MACROD1: variants seen among roughly 807,000 people sequenced by gnomAD.
MACROD1 encodes mono-ADP ribosylhydrolase 1.
In MACROD1, 31 loss-of-function variants were observed where a neutral mutation model predicts 41.4. The ratio of observed to expected loss-of-function variants is 0.75; its 90% CI spans 0.56 to 1.01. The LOEUF (loss-of-function observed/expected upper bound fraction) is 1.01. MACROD1 is among the 50% of genes least tolerant of loss of function. The pLI, the probability that MACROD1 is intolerant of heterozygous loss-of-function variation, is 0.00. For synonymous variants in MACROD1, 252 were observed against 203.4 expected (o/e 1.24, Z -2.03); for missense variants, 473 against 460.0 (o/e 1.03, Z -0.26).
Position 63,998,828 on chromosome 11 carries a change from C to A in MACROD1, c.*30+10G>T. 1 of 1,559,012 alleles carries A rather than the reference C, an allele frequency of 6.4e-7. No homozygotes were observed. Among genetic ancestry groups the A allele is most frequent in the Non-Finnish European group, 8.6e-7 (1 of 1,156,638 alleles). ...GCCGGGGCCGCCGCACGGGGCGAGG[C>A]CCTGCTTACCAGTCCCGGTCAGGGT... On this transcript the variant is annotated intron_variant, in intron 10 of 10. Coordinates refer to ENST00000255681, the MANE Select transcript of MACROD1 (RefSeq NM_014067.4).
chr11:64,165,781 T>C lies in MACROD1; in HGVS notation c.214A>G (p.Thr72Ala). The change falls in exon 1 of 11, where the codon ACA becomes GCA. Residue 72 changes from threonine (T) to alanine (A), a missense_variant. Transcript: ENST00000255681. Reference sequence around the variant, plus strand: ...GGGGCCCAAGTGCGCACCCCGGCTGTCCGCCCCACCGCCGCCGCCCCCCAC... The same window carrying C: ...GGGGCCCAAGTGCGCACCCCGGCTGCCCGCCCCACCGCCGCCGCCCCCCAC... The part of the protein sequence containing the change: ...GAWGAAAVGR[T>A]AGVRTWAPLA... The C allele has an allele frequency of 6.7e-7, 1 of 1,494,638 alleles. No individual in the cohort carries two copies. The highest frequency in any genetic ancestry group is 8.9e-7 in the Non-Finnish European group (1 of 1,127,400). 92.6% of individuals were successfully genotyped at this position (1,494,638 alleles called of 1,614,324 possible).
intron 3 of MACROD1, among the ~76,000 whole-genome samples, chr11:64,101,018 A>G (rs1432054451): frequency 6.6e-6 from 1 of 152,172 alleles, no homozygotes; most frequent in Non-Finnish European, 1.5e-5. Flanking sequence ...GCACTGAGCC[A>G]GGTGCTGGGG....
Position 64,096,725 on chromosome 11 carries a change from C to G in MACROD1, c.517+54514G>C, listed in dbSNP as rs921664497. On this transcript the variant is annotated intron_variant, in intron 3 of 10. Transcript: ENST00000255681. The surrounding 1 kb of genome is among the most constrained non-coding windows in gnomAD (Gnocchi z 4.6). ...AGCCACCGCACCCTACCCTCTCCCCCTTTTGTGCCTAGAGTTGCTCTGTGA... is the reference window on the plus strand; with the variant it reads ...AGCCACCGCACCCTACCCTCTCCCCGTTTTGTGCCTAGAGTTGCTCTGTGA... 1.3e-5 allele frequency among the ~76,000 whole-genome samples: 2 copies of G among 152,216 alleles called. No homozygotes were observed. Among genetic ancestry groups the G allele is most frequent in the Admixed American group, 6.5e-5 (1 of 15,276 alleles).
At chr11:64,009,395 C>T (rs1011861134) in intron 4 of MACROD1, among the ~76,000 whole-genome samples, 1 of 152,142 alleles carries the variant, frequency 6.6e-6, no homozygotes, top group Non-Finnish European at 1.5e-5. Flanking sequence ...GGCCTTCCCC[C>T]TGGGGGGCCC....
At chr11:64,056,868 T>C (rs1016399380) in intron 3 of MACROD1, among the ~76,000 whole-genome samples, 3 of 152,060 alleles carry the variant, frequency 2.0e-5, no homozygotes, top group Non-Finnish European at 4.4e-5. Flanking sequence ...TCATCTACAC[T>C]CCCTAGACCC....
At position 64,036,451 on chromosome 11, in the gene MACROD1, G is replaced by T. The variant is rs1490700767; in HGVS notation, c.518-21170C>A. Among the ~76,000 whole-genome samples the T allele has an allele frequency of 6.6e-6, 1 of 152,160 alleles. No homozygotes were observed. On this transcript the variant is annotated intron_variant, in intron 3 of 10. Coordinates refer to ENST00000255681, the MANE Select transcript of MACROD1 (RefSeq NM_014067.4). The surrounding 1 kb of genome is among the most constrained non-coding windows in gnomAD (Gnocchi z 5.6). ...CCGAGCCGAGGCTGGAAAGGGCGGG[G>T]GCTCAGCTGGAGCTCTAGTCCAAGC...
chr11:64,064,285 G>A lies in MACROD1; in HGVS notation c.518-49004C>T, dbSNP rs1332433145. Reference sequence around the variant, plus strand: ...AACCAAGCCACACCGTAGTCTCCACGTGCAGCCCTGTTCAGGCGGCGGGTA... The same window carrying A: ...AACCAAGCCACACCGTAGTCTCCACATGCAGCCCTGTTCAGGCGGCGGGTA... On this transcript the variant is annotated intron_variant, in intron 3 of 10. Transcript: ENST00000255681. The surrounding 1 kb of genome is among the most constrained non-coding windows in gnomAD (Gnocchi z 4.5). 1.3e-5 allele frequency among the ~76,000 whole-genome samples: 2 copies of A among 152,234 alleles called. No individual in the cohort carries two copies. Among genetic ancestry groups the A allele is most frequent in the South Asian group, 2.1e-4 (1 of 4,834 alleles).
chr11:64,065,158 C>G (rs556035863), intron 3 of MACROD1, among the ~76,000 whole-genome samples: 9 of 152,296 alleles, frequency 5.9e-5, no homozygotes, highest in Non-Finnish European at 1.5e-5. Flanking sequence ...GTAGAAGTGG[C>G]CCAGGGAACG....
rs574325514 is a variant in MACROD1, at chr11:64,120,975, G to A, written c.517+30264C>T. On this transcript the variant is annotated intron_variant, in intron 3 of 10. Coordinates refer to ENST00000255681, the MANE Select transcript of MACROD1 (RefSeq NM_014067.4). This position sits in a 1 kb window ranked among gnomAD's most constrained non-coding sequence, Gnocchi z 4.5. ...TGTCTCCTCTCCCCACCCTAGACAG[G>A]TCAGGTCATGCCCTTAGTGGCTAGG... 2.0e-5 allele frequency among the ~76,000 whole-genome samples: 3 copies of A among 152,260 alleles called. No homozygotes were observed. The South Asian group carries it at 6.2e-4, about 32-fold the overall frequency.
At chr11:64,126,430 G>A (rs1565249222) in intron 3 of MACROD1, among the ~76,000 whole-genome samples, 2 of 152,184 alleles carry the variant, frequency 1.3e-5, no homozygotes, top group South Asian at 2.1e-4. Flanking sequence ...TCTGCTGGCT[G>A]GAGCCAGGAG....
chr11:64,095,343 C>T (rs1312599799), intron 3 of MACROD1, among the ~76,000 whole-genome samples: 2 of 152,192 alleles, frequency 1.3e-5, no homozygotes, highest in Non-Finnish European at 2.9e-5. Flanking sequence ...CTGAGCCACT[C>T]GCTGTAAATA....
chr11:64,156,968 C>T (rs892673717), intron 1 of MACROD1, among the ~76,000 whole-genome samples: 23 of 152,366 alleles, frequency 1.5e-4, no homozygotes, highest in African/African-American at 5.3e-4. Flanking sequence ...AGGCCAACTG[C>T]GCCCATTCAG....
chr11:64,142,087 C>G (rs772105183), intron 3 of MACROD1, among the ~76,000 whole-genome samples: 4 of 152,200 alleles, frequency 2.6e-5, no homozygotes, highest in Non-Finnish European at 5.9e-5. Flanking sequence ...CCATCCTAAT[C>G]TGTAAAATGG....
At chr11:64,149,889 CTG>C (rs1404326857) in intron 3 of MACROD1, among the ~76,000 whole-genome samples, 1 of 152,236 alleles carries the variant, frequency 6.6e-6, no homozygotes, top group Non-Finnish European at 1.5e-5. Context: ...TTTGTCTTAG[CTG>C]TGTGTCCTCA....
intron 3 of MACROD1, among the ~76,000 whole-genome samples, chr11:64,139,784 G>C (rs1312751377): frequency 1.3e-5 from 2 of 151,948 alleles, no homozygotes; most frequent in African/African-American, 2.4e-5. Flanking sequence ...GTGAAACCCC[G>C]TATCTACTAA....
At chr11:64,001,713 C>T (rs1942828819) in intron 4 of MACROD1, 5 of 702,214 alleles carry the variant, frequency 7.1e-6, no homozygotes, top group Non-Finnish European at 1.3e-5. Flanking sequence ...CTCTCCTCTG[C>T]AGGGAGAAAG....
At chr11:64,140,894 G>A (rs1325616297) in intron 3 of MACROD1, among the ~76,000 whole-genome samples, 1 of 152,224 alleles carries the variant, frequency 6.6e-6, no homozygotes, top group Non-Finnish European at 1.5e-5. Flanking sequence ...TAGCACTTTG[G>A]GAGGCCTAGG....
chr11:64,126,888 CCTTT>C (rs1394763924), intron 3 of MACROD1: 1 of 152,262 alleles, frequency 6.6e-6, no homozygotes, highest in African/African-American at 2.4e-5. Context: ...AGCACTATCT[CCTTT>C]CTTTTTCTTG....
chr11:64,023,335 G>A (rs187382038), intron 3 of MACROD1, among the ~76,000 whole-genome samples: 16 of 152,240 alleles, frequency 1.1e-4, no homozygotes, highest in African/African-American at 3.4e-4. Flanking sequence ...CTGTGATCTC[G>A]GGTCAGCTGC....
Sources: allele counts gnomAD v4.1 joint callset (sites outside exome capture counted in the v4.1 genomes callset), GRCh38; gene constraint gnomAD v4.1.1; non-coding constraint Gnocchi (gnomAD v3.1); transcripts MANE v1.5; gene names NCBI Gene and HGNC (gene_info 2026-07-23, HGNC 2026-07-21).